The following DCC variants were observed in gnomAD, a reference collection of about 807,000 sequenced individuals.
DCC encodes the protein DCC netrin 1 receptor.
Under a neutral mutation model 172.5 loss-of-function variants are expected in DCC, and 58 were observed. That is an observed-to-expected ratio of 0.34 (90% CI 0.27 to 0.42). DCC has a LOEUF of 0.42. Ranked by LOEUF, DCC falls within the 10% of genes least tolerant of loss-of-function variation. The pLI is 1.00. For synonymous variants in DCC, 709 were observed against 644.5 expected (o/e 1.10, Z -1.52); for missense variants, 1,740 against 1,791.0 (o/e 0.97, Z 0.51).
intron 7 of DCC, among the ~76,000 whole-genome samples, chr18:53,119,387 C>A (rs2043451278): frequency 6.6e-6 from 1 of 151,680 alleles, no homozygotes; most frequent in Non-Finnish European, 1.5e-5. Context: ...GTGTTCCTGG[C>A]TCAACTCTCT....
At chr18:52,752,537 G>A (rs903532575) in intron 2 of DCC, among the ~76,000 whole-genome samples, 163 bp downstream of exon 2, 3 of 152,146 alleles carry the variant, frequency 2.0e-5, no homozygotes, top group Non-Finnish European at 4.4e-5. Flanking sequence ...ACAATGTCAT[G>A]TTTTGATGTA....
intron 2 of DCC, among the ~76,000 whole-genome samples, chr18:52,809,975 G>T (rs528725381): frequency 3.9e-4 from 59 of 152,144 alleles, no homozygotes; most frequent in African/African-American, 1.4e-3. Context: ...TTAAAGGTGG[G>T]TGTGGTCACC....
chr18:53,211,352 C>T (rs1466727162), intron 11 of DCC, among the ~76,000 whole-genome samples: 2 of 152,152 alleles, frequency 1.3e-5, no homozygotes, highest in East Asian at 3.9e-4. Context: ...CTAGTAAATT[C>T]AGAGGCAAGA....
chr18:52,883,427 T>C (rs1049955151), intron 2 of DCC, among the ~76,000 whole-genome samples: 2 of 150,714 alleles, frequency 1.3e-5, no homozygotes, highest in Non-Finnish European at 3.0e-5. Flanking sequence ...GTGAAGGTGA[T>C]TTTCTCTAGT....
chr18:52,811,838 G>A (rs1201432981), intron 2 of DCC, among the ~76,000 whole-genome samples: 2 of 151,842 alleles, frequency 1.3e-5, no homozygotes, highest in African/African-American at 2.4e-5. Context: ...TATCTTTATC[G>A]TATCAAATAA....
At chr18:53,065,134 T>A (rs890331082) in intron 6 of DCC, among the ~76,000 whole-genome samples, 35 of 152,176 alleles carry the variant, frequency 2.3e-4, no homozygotes, top group African/African-American at 7.2e-4. Flanking sequence ...TAGTAAGTTA[T>A]ATGAAAATTC....
intron 12 of DCC, among the ~76,000 whole-genome samples, chr18:53,273,025 C>A (rs1412187598): frequency 6.6e-6 from 1 of 152,006 alleles, no homozygotes; most frequent in South Asian, 2.1e-4. Context: ...CAGTAGCAAA[C>A]ACTAAAAGAG....
At chr18:53,264,365 T>C (rs1598962603) in intron 12 of DCC, among the ~76,000 whole-genome samples, 1 of 150,974 alleles carries the variant, frequency 6.6e-6, no homozygotes, top group Admixed American at 6.6e-5. Context: ...CGGCTGCGTG[T>C]AATTCCAGCT....
chr18:52,851,395 T>C (rs1309618126), intron 2 of DCC, among the ~76,000 whole-genome samples: 1 of 152,104 alleles, frequency 6.6e-6, no homozygotes, highest in Admixed American at 6.6e-5. Context: ...CCAAACAGCC[T>C]ACTTAATTCT....
At chr18:52,753,441 A>G (rs1234132791) in intron 2 of DCC, among the ~76,000 whole-genome samples, 2 of 152,216 alleles carry the variant, frequency 1.3e-5, no homozygotes, top group Non-Finnish European at 2.9e-5. Flanking sequence ...AGGACTTCTC[A>G]TTAACAGAAA....
intron 9 of DCC, among the ~76,000 whole-genome samples, chr18:53,188,955 C>T (rs1427156745): frequency 1.3e-5 from 2 of 152,102 alleles, no homozygotes; most frequent in African/African-American, 4.8e-5. Context: ...ATAACCTTGT[C>T]TTAACTAATT....
intron 1 of DCC, among the ~76,000 whole-genome samples, chr18:52,711,902 G>A (rs1027322576): frequency 6.6e-6 from 1 of 152,044 alleles, no homozygotes; most frequent in African/African-American, 2.4e-5. Flanking sequence ...CACTTTCTAT[G>A]TGTACATTTG....
Position 52,998,077 on chromosome 18 carries a change from C to A in DCC, c.986-65228C>A, listed in dbSNP as rs536279188. On this transcript the variant is annotated intron_variant, in intron 5 of 28. Transcript: ENST00000442544. The stretch of plus-strand genomic sequence containing the variant: ...TCCAATGCAGTAGCCGTTATCTGCA[C>A]ATGGCAATTAAAATTAAAATTAAAA... Among the ~76,000 whole-genome samples the A allele has an allele frequency of 3.3e-5, 5 of 151,790 alleles. No individual in the cohort carries two copies. The East Asian group carries it at 9.8e-4, about 30-fold the overall frequency.
intron 20 of DCC, among the ~76,000 whole-genome samples, chr18:53,411,615 G>A (rs952588098): frequency 1.3e-5 from 2 of 152,112 alleles, no homozygotes; most frequent in Non-Finnish European, 2.9e-5. Context: ...TCTAGGAAAG[G>A]TACCCTAGTA....
At chr18:52,618,200 A>C (rs1005582860) in intron 1 of DCC, among the ~76,000 whole-genome samples, 1 of 152,134 alleles carries the variant, frequency 6.6e-6, no homozygotes, top group Admixed American at 6.6e-5. Context: ...GTCATCCTTT[A>C]GAATGGAAAA....
At chr18:53,436,875 G>A (rs1467435592) in intron 22 of DCC, among the ~76,000 whole-genome samples, 1 of 152,154 alleles carries the variant, frequency 6.6e-6, no homozygotes, top group Non-Finnish European at 1.5e-5. Context: ...GGAGTCTGCT[G>A]AGGGCTCATT....
chr18:52,942,951 CA>C (rs2040486749), intron 5 of DCC, among the ~76,000 whole-genome samples: 1 of 152,090 alleles, frequency 6.6e-6, no homozygotes, highest in Non-Finnish European at 1.5e-5. Flanking sequence ...AGCTATATTA[CA>C]AAGTTGTATG....
chr18:53,089,953 C>T (rs747719175), intron 7 of DCC, among the ~76,000 whole-genome samples: 94 of 152,080 alleles, frequency 6.2e-4, no homozygotes, highest in Non-Finnish European at 1.2e-3. Flanking sequence ...ATATTTTATA[C>T]CAATTTCCAG....
intron 1 of DCC, among the ~76,000 whole-genome samples, chr18:52,721,983 C>T (rs2036480658): frequency 6.6e-6 from 1 of 152,134 alleles, no homozygotes; most frequent in Non-Finnish European, 1.5e-5. Context: ...GAGATTGCAT[C>T]ACTGCATTCC....
Sources: allele counts gnomAD v4.1 joint callset (sites outside exome capture counted in the v4.1 genomes callset), GRCh38; gene constraint gnomAD v4.1.1; transcripts MANE v1.5; gene names NCBI Gene and HGNC (gene_info 2026-07-23, HGNC 2026-07-21).